The following NAV3 variants were observed in gnomAD, a reference collection of about 807,000 sequenced individuals.
NAV3 encodes pore membrane and/or filament interacting like protein 1.
In NAV3, 87 loss-of-function variants were observed where a neutral mutation model predicts 244.7. That is an observed-to-expected ratio of 0.36 (90% CI 0.30 to 0.42). NAV3 has a LOEUF of 0.42. NAV3 is among the 20% of genes least tolerant of loss of function. NAV3 has a pLI of 1.00. For synonymous variants in NAV3, 1,126 were observed against 1,042.2 expected, an observed-to-expected ratio of 1.08 and a Z score of -1.55; for missense variants, 2,663 against 2,893.3, an observed-to-expected ratio of 0.92 and a Z score of 1.83.
chr12:77,936,236 T>C (rs1475349337), intron 1 of NAV3, among the ~76,000 whole-genome samples: 1 of 152,196 alleles, frequency 6.6e-6, no homozygotes, highest in Non-Finnish European at 1.5e-5. Flanking sequence ...ATACCTTTGA[T>C]TTTTATCACT....
chr12:78,191,455 C>CCA (rs370090201), intron 34 of NAV3, among the ~76,000 whole-genome samples: 3 of 151,728 alleles, frequency 2.0e-5, no homozygotes, highest in South Asian at 2.1e-4. Context: ...ACACATACAA[C>CCA]CACACACACA....
At chr12:77,829,400 G>A (rs1873358221), upstream of NAV3, among the ~76,000 whole-genome samples, 1 of 152,142 alleles carries the variant, frequency 6.6e-6, no homozygotes, top group Non-Finnish European at 1.5e-5. Flanking sequence ...CATATGTTTT[G>A]AGTGAACTTC....
intron 2 of NAV3, among the ~76,000 whole-genome samples, chr12:77,777,908 C>T (rs1014996105): frequency 2.0e-5 from 3 of 151,688 alleles, no homozygotes; most frequent in East Asian, 3.9e-4. Flanking sequence ...CAGGTTCAAG[C>T]GATTCTCCTG....
intron 12 of NAV3, among the ~76,000 whole-genome samples, chr12:78,073,632 T>C (rs1275227401): frequency 1.1e-4 from 16 of 152,242 alleles, no homozygotes; most frequent in African/African-American, 2.9e-4. Context: ...TTTATAGATT[T>C]AATGCCATCC....
intron 8 of NAV3, among the ~76,000 whole-genome samples, chr12:78,011,883 A>T (rs779192168): frequency 6.6e-6 from 1 of 152,150 alleles, no homozygotes; most frequent in African/African-American, 2.4e-5. Context: ...CACGTCTTAC[A>T]TGGCAGCAGG....
At chr12:77,618,146 A>C (rs1592508608) in intron 2 of NAV3, among the ~76,000 whole-genome samples, 1 of 152,344 alleles carries the variant, frequency 6.6e-6, no homozygotes, top group African/African-American at 2.4e-5. Context: ...TGGATTCCCC[A>C]GCCCCAGTTG....
At chr12:77,780,883 G>A (rs1006880435) in intron 2 of NAV3, among the ~76,000 whole-genome samples, 28 of 152,168 alleles carry the variant, frequency 1.8e-4, no homozygotes, top group African/African-American at 6.5e-4. Flanking sequence ...GTTTAAGGCT[G>A]TTTTGGTTAC....
At chr12:77,652,447 A>G (rs1250354114) in intron 2 of NAV3, among the ~76,000 whole-genome samples, 1 of 152,154 alleles carries the variant, frequency 6.6e-6, no homozygotes, top group Non-Finnish European at 1.5e-5. Context: ...TTTTAATTCT[A>G]CTCCTTCACT....
chr12:77,948,933 C>T (rs1328014742), intron 3 of NAV3, among the ~76,000 whole-genome samples: 1 of 151,772 alleles, frequency 6.6e-6, no homozygotes, highest in Non-Finnish European at 1.5e-5. Context: ...TCTGTGTAAT[C>T]ATATGCAAAA....
intron 2 of NAV3, among the ~76,000 whole-genome samples, chr12:77,712,108 G>A (rs1035540601): frequency 1.3e-5 from 2 of 152,070 alleles, no homozygotes; most frequent in South Asian, 2.1e-4. Context: ...TAGCTGTTTT[G>A]TATGATTTTT....
intron 2 of NAV3, among the ~76,000 whole-genome samples, chr12:77,662,261 C>CTATT (rs1443041316): frequency 6.6e-6 from 1 of 151,646 alleles, no homozygotes; most frequent in Non-Finnish European, 1.5e-5. Flanking sequence ...ATCTATCTAT[C>CTATT]TATATCTCAC....
chr12:78,112,803 C>G lies in NAV3; in HGVS notation c.2637-3969C>G, dbSNP rs117212453. Among the ~76,000 whole-genome samples the G allele has an allele frequency of 1.2e-3, 177 of 152,254 alleles. No individual in the cohort carries two copies. The East Asian group carries it at 0.017, about 15-fold the overall frequency. ...CAATCATGCCCTTCCAACAGTCCCC[C>G]CAAAGTCTTAACACATTTCAGTATT... On this transcript the variant is annotated intron_variant, in intron 12 of 39. Transcript: ENST00000397909.
rs202050601 is a variant in NAV3 at position 78,006,738 on chromosome 12, G to A, written c.1200G>A (p.Pro400=). 7.2e-5 allele frequency: 117 copies of A among 1,614,120 alleles called. No homozygotes were observed. The highest frequency in any genetic ancestry group is 1.6e-4 in the Middle Eastern group (1 of 6,062). The change falls in exon 8 of 40, where the codon CCG becomes CCA. Residue 400 remains proline, a synonymous_variant. Coordinates refer to ENST00000397909, the MANE Select transcript of NAV3 (RefSeq NM_001024383.2). ...LVNARTALRP[P]QPPSSGPSDG... Reference sequence around the variant, plus strand: ...ATGCCCGGACTGCTTTACGCCCCCCGCAGCCTCCCAGTTCAGGACCTAGTG... The same window carrying A: ...ATGCCCGGACTGCTTTACGCCCCCCACAGCCTCCCAGTTCAGGACCTAGTG...
At chr12:77,897,690 C>G (rs1412500191) in intron 1 of NAV3, among the ~76,000 whole-genome samples, 2 of 143,166 alleles carry the variant, frequency 1.4e-5, no homozygotes, top group Non-Finnish European at 3.1e-5. Flanking sequence ...CCTATTTTGT[C>G]TTTTTTTTTT....
At chr12:77,940,039 T>A (rs2731433) in intron 1 of NAV3, among the ~76,000 whole-genome samples, 2 of 152,084 alleles carry the variant, frequency 1.3e-5, no homozygotes, top group Non-Finnish European at 2.9e-5. Flanking sequence ...TGATTTGCAA[T>A]GGGAGTTTCC....
intron 2 of NAV3, among the ~76,000 whole-genome samples, chr12:77,782,880 T>C (rs770967347): frequency 1.1e-4 from 16 of 152,198 alleles, no homozygotes; most frequent in Non-Finnish European, 2.1e-4. Flanking sequence ...TTTGCAAAGT[T>C]ATCTTTCCCT....
intron 2 of NAV3, among the ~76,000 whole-genome samples, chr12:77,597,984 G>A (rs1014547571): frequency 6.6e-6 from 1 of 151,838 alleles, no homozygotes; most frequent in South Asian, 2.1e-4. Context: ...TACATTTGTG[G>A]AAAAGGCTCT....
At chr12:78,210,239 C>G (rs1438353019) in intron 39 of NAV3, among the ~76,000 whole-genome samples, 159 bp from the exon 40 acceptor site, 1 of 152,150 alleles carries the variant, frequency 6.6e-6, no homozygotes, top group African/African-American at 2.4e-5. Context: ...GGAGAAACAG[C>G]ATAGGAGCCA....
intron 5 of NAV3, among the ~76,000 whole-genome samples, chr12:77,978,279 G>A (rs1447705874): frequency 6.6e-6 from 1 of 152,106 alleles, no homozygotes; most frequent in Non-Finnish European, 1.5e-5. Flanking sequence ...TTTTTAAGAT[G>A]TGAAGTGTTA....
Sources: gnomAD v4.1 joint callset for allele counts (sites outside exome capture counted in the v4.1 genomes callset) on GRCh38, gnomAD v4.1.1 for gene constraint, MANE v1.5 for transcripts, NCBI Gene and HGNC (gene_info 2026-07-23, HGNC 2026-07-21) for gene names.